The following SYT14 variants were observed in gnomAD, a reference collection of about 807,000 sequenced individuals.
SYT14 encodes synaptotagmin-14.
A neutral mutation model predicts 74.2 loss-of-function variants in SYT14; 32 were observed. The observed-to-expected ratio is 0.43, with a 90% CI of 0.33 to 0.58. SYT14 has a LOEUF of 0.58. Ranked by LOEUF, SYT14 falls within the 20% of genes least tolerant of loss-of-function variation. The pLI is 0.05. For missense variants in SYT14, 791 were observed against 981.8 expected, an observed-to-expected ratio of 0.81 and a Z score of 2.60; for synonymous variants, 298 against 337.7, an observed-to-expected ratio of 0.88 and a Z score of 1.29.
chr1:210,137,775 G>A (rs2082820642), intron 7 of SYT14, among the ~76,000 whole-genome samples: 1 of 151,632 alleles, frequency 6.6e-6, no homozygotes, highest in Non-Finnish European at 1.5e-5. Context: ...CCGCCTCCTG[G>A]GTTCAAGTGA....
chr1:210,116,595 C>T (rs963759526), intron 7 of SYT14, among the ~76,000 whole-genome samples: 1 of 152,226 alleles, frequency 6.6e-6, no homozygotes. Context: ...GATCTGCCCC[C>T]CTTGGCCTCC....
chr1:210,095,661 C>T (rs2081955895), intron 6 of SYT14, among the ~76,000 whole-genome samples: 1 of 152,138 alleles, frequency 6.6e-6, no homozygotes, highest in Non-Finnish European at 1.5e-5. Context: ...AGATCTGCTG[C>T]CAAAATTAAA....
chr1:209,957,379 A>G (rs1326425285), intron 2 of SYT14, among the ~76,000 whole-genome samples: 1 of 151,986 alleles, frequency 6.6e-6, no homozygotes, highest in African/African-American at 2.4e-5. Context: ...AGATATTAGC[A>G]TTCTCTGTAT....
chr1:210,031,795 C>G (rs1377468351), intron 5 of SYT14, among the ~76,000 whole-genome samples: 1 of 151,728 alleles, frequency 6.6e-6, no homozygotes, highest in Non-Finnish European at 1.5e-5. Flanking sequence ...ATAGCTTTTA[C>G]CTGATTAATG....
chr1:210,071,353 ATG>A (rs1378056316), intron 5 of SYT14, among the ~76,000 whole-genome samples: 1 of 113,382 alleles, frequency 8.8e-6, no homozygotes, highest in Non-Finnish European at 2.2e-5. Flanking sequence ...AAGGAGTAAT[ATG>A]TGTTTCTACA....
At chr1:210,111,681 A>T (rs2082264985) in intron 7 of SYT14, among the ~76,000 whole-genome samples, 1 of 151,156 alleles carries the variant, frequency 6.6e-6, no homozygotes, top group South Asian at 2.1e-4. Flanking sequence ...GTATAGAATG[A>T]TTGGTGATGG....
At chr1:210,085,095 G>GA (rs2081696034) in intron 5 of SYT14, among the ~76,000 whole-genome samples, 1 of 152,116 alleles carries the variant, frequency 6.6e-6, no homozygotes, top group Non-Finnish European at 1.5e-5. Flanking sequence ...CCAAGAACTG[G>GA]AAAAATAACA....
chr1:210,033,879 C>G (rs942194349), intron 5 of SYT14, among the ~76,000 whole-genome samples: 1 of 151,418 alleles, frequency 6.6e-6, no homozygotes, highest in Admixed American at 6.6e-5. Context: ...ATATTTACAC[C>G]CTTAAACATT....
intron 2 of SYT14, among the ~76,000 whole-genome samples, chr1:209,973,064 T>C (rs1248237860): frequency 6.6e-6 from 1 of 152,196 alleles, no homozygotes; most frequent in Non-Finnish European, 1.5e-5. Flanking sequence ...AGTTAAGTCT[T>C]GTTTAATTGG....
At chr1:210,019,561 A>C (rs528663855) in intron 4 of SYT14, among the ~76,000 whole-genome samples, 2 of 152,210 alleles carry the variant, frequency 1.3e-5, no homozygotes, top group Non-Finnish European at 2.9e-5. Flanking sequence ...GCACTGCCAC[A>C]ATATATGACA....
chr1:210,045,666 T>C (rs1476003008), intron 5 of SYT14, among the ~76,000 whole-genome samples: 1 of 152,178 alleles, frequency 6.6e-6, no homozygotes, highest in Non-Finnish European at 1.5e-5. Context: ...TGTACTTTCA[T>C]TTAGAATAAC....
exon 6 of SYT14, chr1:210,094,481 C>T: frequency 6.2e-7 from 1 of 1,613,906 alleles, no homozygotes; most frequent in Non-Finnish European, 8.5e-7. Flanking sequence ...CCAAGATGCT[C>T]ATATAACAAG....
At position 210,031,089 on chromosome 1, in the gene SYT14, C is replaced by CTTT. The variant is rs35900057; in HGVS notation, c.1312+9854_1312+9856dup. Among the ~76,000 whole-genome samples, 54 of 104,296 alleles carry CTTT rather than the reference C, an allele frequency of 5.2e-4. 1 individual carries two copies. The highest frequency in any genetic ancestry group is 1.5e-3 in the African/African-American group (41 of 27,164). The allele number at this position is 104,296 out of a possible 152,430, so 68.4% of individuals were successfully genotyped here. On this transcript the variant is annotated intron_variant, in intron 5 of 9. Transcript: ENST00000637265. Reference sequence around the variant, plus strand: ...TACAGGCGTGCACCACCATGCCTGTCTTTTTTTTTTTTTTTTTTTTTGGTA... The same window carrying CTTT: ...TACAGGCGTGCACCACCATGCCTGTCTTTTTTTTTTTTTTTTTTTTTTTTGGTA...
At chr1:210,167,818 C>G (rs2083471640) in exon 10 of SYT14, 1 of 152,032 alleles carries the variant, frequency 6.6e-6, no homozygotes, top group Admixed American at 6.6e-5. Flanking sequence ...TAGTATGTGC[C>G]TTTTTAAAAA....
chr1:210,115,513 AGTCCGTTACCAG>A (rs2082342661), intron 7 of SYT14, among the ~76,000 whole-genome samples: 1 of 151,342 alleles, frequency 6.6e-6, no homozygotes, highest in Non-Finnish European at 1.5e-5. Context: ...TGTCTTCCAG[AGTCCGTTACCAG>A]CACCGGAGTT....
chr1:209,990,563 A>ACG (rs1572122562), intron 2 of SYT14, among the ~76,000 whole-genome samples: 10 of 111,574 alleles, frequency 9.0e-5, no homozygotes, highest in African/African-American at 2.4e-4. Context: ...ATATATACGT[A>ACG]TATATATGTA....
intron 5 of SYT14, among the ~76,000 whole-genome samples, chr1:210,052,367 C>G (rs531546230): frequency 6.6e-6 from 1 of 151,806 alleles, no homozygotes; most frequent in East Asian, 2.0e-4. Context: ...ACTACAGGTC[C>G]CCGCCACTCT....
At chr1:209,995,708 T>C (rs184073498) in intron 2 of SYT14, among the ~76,000 whole-genome samples, 8 of 152,294 alleles carry the variant, frequency 5.3e-5, no homozygotes, top group Non-Finnish European at 1.5e-5. Flanking sequence ...ACTGAACATA[T>C]TCTAAGAGCC....
At chr1:210,047,151 G>C (rs1388365278) in intron 5 of SYT14, among the ~76,000 whole-genome samples, 1 of 151,912 alleles carries the variant, frequency 6.6e-6, no homozygotes, top group Non-Finnish European at 1.5e-5. Context: ...CGGAATTTAA[G>C]TAAATATTAC....
Sources: allele counts gnomAD v4.1 joint callset (sites outside exome capture counted in the v4.1 genomes callset), GRCh38; gene constraint gnomAD v4.1.1; transcripts MANE v1.5; gene names NCBI Gene and HGNC (gene_info 2026-07-23, HGNC 2026-07-21).